CACNA2D3: variants seen among roughly 807,000 people sequenced by gnomAD.
CACNA2D3 encodes calcium voltage-gated channel auxiliary subunit alpha2delta 3.
CACNA2D3 carries 60 observed loss-of-function variants against 160.6 expected under a neutral mutation model. The observed-to-expected ratio is 0.37, with a 90% CI of 0.30 to 0.46. The LOEUF (loss-of-function observed/expected upper bound fraction) is 0.46, where lower values mean the gene tolerates loss of function less well. Among genes scored for constraint, CACNA2D3 ranks in the 20% least tolerant of loss-of-function variants. The pLI is 1.00. For missense variants in CACNA2D3, 1,205 were observed against 1,365.0 expected, an observed-to-expected ratio of 0.88 and a Z score of 1.85; for synonymous variants, 558 against 492.9, an observed-to-expected ratio of 1.13 and a Z score of -1.75.
intron 2 of CACNA2D3, among the ~76,000 whole-genome samples, chr3:54,231,140 A>G (rs1445131051): frequency 1.3e-5 from 2 of 152,168 alleles, no homozygotes; most frequent in Admixed American, 6.5e-5. Context: ...GTGCCTCCCC[A>G]GGGAGAGGAT....
At chr3:54,703,779 T>C (rs1461456894) in intron 11 of CACNA2D3, among the ~76,000 whole-genome samples, 3 of 152,144 alleles carry the variant, frequency 2.0e-5, no homozygotes, top group African/African-American at 7.2e-5. Context: ...GTCGGCAAGC[T>C]CACAGTAGAG....
intron 13 of CACNA2D3, among the ~76,000 whole-genome samples, chr3:54,806,859 T>C (rs897373538): frequency 1.3e-5 from 2 of 152,084 alleles, no homozygotes; most frequent in Non-Finnish European, 2.9e-5. Flanking sequence ...AACAGAGATA[T>C]AGATCAATGG....
intron 2 of CACNA2D3, among the ~76,000 whole-genome samples, chr3:54,159,012 A>G (rs1559866627): frequency 6.6e-6 from 1 of 152,204 alleles, no homozygotes; most frequent in African/African-American, 2.4e-5. Flanking sequence ...GTCTGTTCAC[A>G]CTGCCCAGCA....
At chr3:55,061,365 C>T (rs1003932918) in intron 35 of CACNA2D3, among the ~76,000 whole-genome samples, 5 of 152,190 alleles carry the variant, frequency 3.3e-5, no homozygotes, top group South Asian at 2.1e-4. Flanking sequence ...CAGGGTAAAC[C>T]GGGTGTGAGC....
At chr3:55,073,297 A>G (rs2107236922) in intron 35 of CACNA2D3, 148 bp from the exon 36 acceptor site, 1 of 610,444 alleles carries the variant, frequency 1.6e-6, no homozygotes, top group African/African-American at 1.8e-5. Context: ...AGCCTCATGG[A>G]GAAAGAAGGT....
intron 13 of CACNA2D3, among the ~76,000 whole-genome samples, chr3:54,801,363 C>T (rs922071458): frequency 6.6e-6 from 1 of 152,074 alleles, no homozygotes; most frequent in African/African-American, 2.4e-5. Context: ...GAACCTTGCT[C>T]AGAGTGTAAC....
chr3:54,410,756 A>G (rs1332784826), intron 4 of CACNA2D3, among the ~76,000 whole-genome samples: 8 of 152,190 alleles, frequency 5.3e-5, no homozygotes, highest in Non-Finnish European at 1.5e-5. Context: ...CATCCGTTCT[A>G]CAGTCCACGG....
chr3:54,262,787 C>T (rs969383808), intron 2 of CACNA2D3, among the ~76,000 whole-genome samples: 1 of 152,204 alleles, frequency 6.6e-6, no homozygotes, highest in African/African-American at 2.4e-5. Flanking sequence ...TTCCTCCTTC[C>T]AGCAACCGCA....
In CACNA2D3 at chr3:54,653,286, T is replaced by C. The variant is rs953507880; in HGVS notation, c.1167+11045T>C. ...TTCTGTGAATGCTCCAAGATGCTCC[T>C]ATTTCTCACTGCTGTTTCATTCCAG... On this transcript the variant is annotated intron_variant, in intron 11 of 37. Transcript: ENST00000474759. Among the ~76,000 whole-genome samples the C allele has an allele frequency of 5.3e-5, 8 of 152,224 alleles. No individual in the cohort carries two copies. In the East Asian group the frequency reaches 1.5e-3, roughly 29 times the overall value.
chr3:54,956,977 A>G (rs970330068), intron 27 of CACNA2D3, among the ~76,000 whole-genome samples: 19 of 152,132 alleles, frequency 1.2e-4, no homozygotes, highest in African/African-American at 3.4e-4. Context: ...ACTTTCTTCT[A>G]TGACCCTTGC....
At chr3:54,321,315 G>T (rs976392249) in intron 3 of CACNA2D3, among the ~76,000 whole-genome samples, 1 of 95,946 alleles carries the variant, frequency 1.0e-5, no homozygotes, top group Non-Finnish European at 2.4e-5. Flanking sequence ...GTGAGACTCC[G>T]GCTCAAAAAA....
At chr3:54,587,838 C>T (rs1702789736) in intron 9 of CACNA2D3, among the ~76,000 whole-genome samples, 1 of 152,124 alleles carries the variant, frequency 6.6e-6, no homozygotes, top group African/African-American at 2.4e-5. Context: ...CACCCTCTCC[C>T]TGCCAAAAAA....
intron 5 of CACNA2D3, among the ~76,000 whole-genome samples, chr3:54,524,116 C>A (rs779850675): frequency 4.0e-5 from 6 of 151,652 alleles, no homozygotes; most frequent in Admixed American, 6.6e-5. Flanking sequence ...GCTTTTTATT[C>A]TTTCTTAATA....
chr3:54,364,486 T>G (rs903725255), intron 3 of CACNA2D3, among the ~76,000 whole-genome samples: 2 of 152,212 alleles, frequency 1.3e-5, no homozygotes, highest in Non-Finnish European at 2.9e-5. Flanking sequence ...GGACGGCAAT[T>G]TTATATTGAG....
At chr3:54,381,317 A>C (rs1699098991) in intron 3 of CACNA2D3, among the ~76,000 whole-genome samples, 1 of 152,002 alleles carries the variant, frequency 6.6e-6, no homozygotes, top group Non-Finnish European at 1.5e-5. Flanking sequence ...TTTTATTTGA[A>C]ATTTTCTTTA....
chr3:54,297,651 G>C (rs144477997), intron 2 of CACNA2D3, among the ~76,000 whole-genome samples: 1 of 148,796 alleles, frequency 6.7e-6, no homozygotes, highest in East Asian at 2.0e-4. Context: ...TTCATAACCT[G>C]TTCCATCTTC....
At chr3:54,864,978 T>TG (rs1298584014) in intron 17 of CACNA2D3, among the ~76,000 whole-genome samples, 3 of 152,210 alleles carry the variant, frequency 2.0e-5, no homozygotes, top group African/African-American at 7.2e-5. Flanking sequence ...CACGTACCGC[T>TG]GTTAGCACAA....
intron 3 of CACNA2D3, among the ~76,000 whole-genome samples, chr3:54,338,438 C>T (rs7638170): frequency 0.094 from 13,649 of 144,970 alleles, 802 homozygotes; most frequent in East Asian, 0.19. Flanking sequence ...TGTTTTTCTT[C>T]TTTTTATAGC....
chr3:54,780,562 G>T (rs145341191), intron 13 of CACNA2D3, among the ~76,000 whole-genome samples: 1 of 152,294 alleles, frequency 6.6e-6, no homozygotes, highest in East Asian at 1.9e-4. Context: ...TTGATACTGG[G>T]AGAGGCCAGG....
Sources: gnomAD v4.1 joint callset for allele counts (sites outside exome capture counted in the v4.1 genomes callset) on GRCh38, gnomAD v4.1.1 for gene constraint, MANE v1.5 for transcripts, NCBI Gene and HGNC (gene_info 2026-07-23, HGNC 2026-07-21) for gene names.